The following DHX57 variants were observed in gnomAD, a reference collection of about 807,000 sequenced individuals.
DHX57 encodes DExH-box helicase 57.
In DHX57, 105 loss-of-function variants were observed where a neutral mutation model predicts 156.2. The observed-to-expected ratio is 0.67, with a 90% CI of 0.57 to 0.79. The LOEUF is 0.79. Ranked by LOEUF, DHX57 falls within the 30% of genes least tolerant of loss-of-function variation. DHX57 has a pLI of 0.00. For synonymous variants in DHX57, 704 were observed against 595.6 expected, an observed-to-expected ratio of 1.18 and a Z score of -2.65; for missense variants, 1,847 against 1,661.9, an observed-to-expected ratio of 1.11 and a Z score of -1.94.
rs1671104529 is a variant in DHX57 at position 38,826,693 on chromosome 2, G to C, written c.2640-4C>G. On this transcript the variant is annotated splice_polypyrimidine_tract_variant and splice_region_variant and intron_variant, in intron 14 of 23. Coordinates refer to ENST00000457308, the MANE Select transcript of DHX57 (RefSeq NM_198963.3). ...ATGAAGTGGGTGAATAACACATCTG[G>C]AAGGAAATAAAAGCACATGAAGTAT... 3 of 1,613,292 alleles carry C rather than the reference G, an allele frequency of 1.9e-6. No individual in the cohort carries two copies. The highest frequency in any genetic ancestry group is 1.7e-5 in the Admixed American group (1 of 59,906).
At chr2:38,821,225 G>A (rs1008029935) in intron 17 of DHX57, among the ~76,000 whole-genome samples, 40 of 152,008 alleles carry the variant, frequency 2.6e-4, no homozygotes, top group Non-Finnish European at 1.0e-4. Context: ...AGTCCTTAGA[G>A]AAAAACTGAG....
chr2:38,819,994 T>A (rs1224240424), intron 17 of DHX57, among the ~76,000 whole-genome samples: 1 of 152,206 alleles, frequency 6.6e-6, no homozygotes, highest in Non-Finnish European at 1.5e-5. Flanking sequence ...TAATAATATT[T>A]CTCTACCTTC....
intron 12 of DHX57, 130 bp downstream of exon 12, chr2:38,842,875 G>A (rs1052936050): frequency 6.5e-6 from 6 of 928,344 alleles, no homozygotes; most frequent in Non-Finnish European, 9.7e-6. Context: ...TAGGTTTAAG[G>A]TTGCTCTGAT....
Position 38,818,897 on chromosome 2 carries a change from A to C in DHX57, c.3451T>G (p.Leu1151Val). 1 of 1,614,214 alleles carries C rather than the reference A, an allele frequency of 6.2e-7. No homozygotes were observed. The highest frequency in any genetic ancestry group is 8.5e-7 in the Non-Finnish European group (1 of 1,180,034). ...ASYNYCRQNF[L>V]SGRVLQEMAS... The stretch of plus-strand genomic sequence containing the variant: ...CTCACCTGCAGAACTCTTCCAGACA[A>C]GAAGTTTTGTCTGCAGTAATTATAA... Residue 1151 changes from leucine to valine, a missense_variant, in exon 19 of 24, where the codon TTG (leucine) becomes GTG (valine). Leu to Val is a conservative substitution (Grantham distance 32). Coordinates refer to ENST00000457308, the MANE Select transcript of DHX57 (RefSeq NM_198963.3).
intron 1 of DHX57, among the ~76,000 whole-genome samples, chr2:38,873,807 CT>C (rs920102567): frequency 6.6e-6 from 1 of 152,094 alleles, no homozygotes; most frequent in African/African-American, 2.4e-5. Flanking sequence ...TATATTATAA[CT>C]TAAGTGCTAT....
At position 38,826,675 on chromosome 2, in the gene DHX57, G is replaced by C. The variant is rs779825210; in HGVS notation, c.2654C>G (p.Pro885Arg). The C allele has an allele frequency of 6.2e-7, 1 of 1,613,866 alleles. No homozygotes were observed. Among genetic ancestry groups the C allele is most frequent in the Admixed American group, 1.7e-5 (1 of 59,980 alleles). ...TTCACTGGATAAAGATGAATGAAGT[G>C]GGTGAATAACACATCTGGAAGGAAA... is the stretch of plus-strand genomic sequence containing the variant. Reference protein sequence around the residue: ...NRRSNRCVIHPLHSSLSSEEQ... With the variant: ...NRRSNRCVIHRLHSSLSSEEQ... The change falls in exon 15 of 24, where the codon CCA (proline) becomes CGA (arginine). Residue 885 changes from proline to arginine, a missense_variant. Transcript: ENST00000457308.
At chr2:38,825,708 C>T (rs1444168693) in intron 16 of DHX57, 139 bp downstream of exon 16, 1 of 860,940 alleles carries the variant, frequency 1.2e-6, no homozygotes, top group Middle Eastern at 3.5e-4. Context: ...CTAAGGATAT[C>T]TTTCTTCACA....
intron 16 of DHX57, among the ~76,000 whole-genome samples, chr2:38,824,119 A>G (rs1670971088): frequency 6.6e-6 from 1 of 152,214 alleles, no homozygotes; most frequent in African/African-American, 2.4e-5. Context: ...AGTTCATTAC[A>G]GATGAGTGGA....
chr2:38,852,677 C>T (rs1672666707), intron 9 of DHX57, among the ~76,000 whole-genome samples: 1 of 149,650 alleles, frequency 6.7e-6, no homozygotes, highest in African/African-American at 2.5e-5. Flanking sequence ...TTCACAGGTG[C>T]AATCATAGCA....
Position 38,813,837 on chromosome 2 carries a change from T to C in DHX57, c.3665A>G (p.Tyr1222Cys). 1 of 1,613,738 alleles carries C rather than the reference T, an allele frequency of 6.2e-7. No individual in the cohort carries two copies. Among genetic ancestry groups the C allele is most frequent in the Non-Finnish European group, 8.5e-7 (1 of 1,179,710 alleles). ...LISAMLCAAL[Y>C]PNVVQVKSPE... is the part of the protein sequence containing the mutation. Reference sequence around the variant, plus strand: ...TTTTGTTACCTGCACTACATTTGGATACAAAGCAGCACACAGCATTGCTGA... The same window carrying C: ...TTTTGTTACCTGCACTACATTTGGACACAAAGCAGCACACAGCATTGCTGA... The change falls in exon 21 of 24, where the codon TAT becomes TGT. Residue 1222 changes from tyrosine (Y) to cysteine (C), a missense_variant. By Grantham distance (194) the Tyr-to-Cys change is radical. Coordinates refer to ENST00000457308, the MANE Select transcript of DHX57 (RefSeq NM_198963.3).
At chr2:38,874,661 G>A (rs1035822775) in intron 1 of DHX57, among the ~76,000 whole-genome samples, 1 of 151,946 alleles carries the variant, frequency 6.6e-6, no homozygotes, top group South Asian at 2.1e-4. Context: ...CGCCCGCCTC[G>A]GCCTCCCACA....
At chr2:38,863,838 T>C (rs1276247345) in intron 2 of DHX57, among the ~76,000 whole-genome samples, 1 of 151,860 alleles carries the variant, frequency 6.6e-6, no homozygotes, top group African/African-American at 2.4e-5. Context: ...CATGGTGAAA[T>C]GCTGTCTCTA....
At chr2:38,846,356 T>A (rs560893639) in intron 11 of DHX57, among the ~76,000 whole-genome samples, 5 of 152,162 alleles carry the variant, frequency 3.3e-5, no homozygotes, top group Admixed American at 2.6e-4. Context: ...GCATGGTGGC[T>A]CATGACTGTA....
intron 13 of DHX57, among the ~76,000 whole-genome samples, chr2:38,835,150 G>T (rs1333562789): frequency 6.6e-6 from 1 of 152,108 alleles, no homozygotes; most frequent in Non-Finnish European, 1.5e-5. Flanking sequence ...AATCATTGAG[G>T]AGAAATGTAT....
rs896681642 is a variant in DHX57, at chr2:38,842,999, T to C, written c.2425+6A>G. On this transcript the variant is annotated splice_donor_region_variant and intron_variant, in intron 12 of 23. Coordinates refer to ENST00000457308, the MANE Select transcript of DHX57 (RefSeq NM_198963.3). ...AATTATAATATTCCCCCAAGAGGCA[T>C]GTTACCTTTATAGCGGGCCAGGAGC... 6 of 1,613,474 alleles carry C rather than the reference T, an allele frequency of 3.7e-6. No homozygotes were observed. The highest frequency in any genetic ancestry group is 4.2e-6 in the Non-Finnish European group (5 of 1,179,486).
At chr2:38,823,863 T>A (rs1355392050) in intron 16 of DHX57, among the ~76,000 whole-genome samples, 1 of 152,000 alleles carries the variant, frequency 6.6e-6, no homozygotes, top group East Asian at 1.9e-4. Flanking sequence ...AATACAAAAA[T>A]TAGCCAGGCA....
Position 38,828,349 on chromosome 2 carries a change from C to A in DHX57, c.2630G>T (p.Arg877Leu). ...LQSNSLFNNR[R>L]SNRCVIHPLH... ...AAAGCAATTAGCTTACCGATTACTA[C>A]GTCTGTTGTTGAAAAGAGAATTAGA... Residue 877 changes from arginine (R) to leucine (L), a missense_variant, in exon 14 of 24, where the codon CGT (arginine) becomes CTT (leucine). Coordinates refer to ENST00000457308, the MANE Select transcript of DHX57 (RefSeq NM_198963.3). 1.9e-6 allele frequency: 3 copies of A among 1,610,946 alleles called. No homozygotes were observed. The highest frequency in any genetic ancestry group is 1.7e-5 in the Admixed American group (1 of 59,512).
At chr2:38,800,923 G>A (rs189586468) in intron 23 of DHX57, among the ~76,000 whole-genome samples, 1 of 152,256 alleles carries the variant, frequency 6.6e-6, no homozygotes, top group Non-Finnish European at 1.5e-5. Flanking sequence ...ACCCGATTTT[G>A]AAGACTTAAT....
intron 9 of DHX57, among the ~76,000 whole-genome samples, chr2:38,849,898 C>T (rs1051592867): frequency 7.9e-5 from 12 of 152,168 alleles, no homozygotes; most frequent in African/African-American, 2.9e-4. Context: ...CAAATGCCCT[C>T]CTCCCTTGAA....
Sources: gnomAD v4.1 joint callset for allele counts (sites outside exome capture counted in the v4.1 genomes callset) on GRCh38, gnomAD v4.1.1 for gene constraint, MANE v1.5 for transcripts, NCBI Gene and HGNC (gene_info 2026-07-23, HGNC 2026-07-21) for gene names.